Variants in ZNF385D observed in about 807,000 individuals in gnomAD.
The protein encoded by ZNF385D is zinc finger protein 385D.
Under a neutral mutation model 35.8 loss-of-function variants are expected in ZNF385D, and 15 were observed. That is an observed-to-expected ratio of 0.42 (90% confidence interval 0.28 to 0.64). ZNF385D has a LOEUF of 0.64. Ranked by LOEUF, ZNF385D falls within the 30% of genes least tolerant of loss-of-function variation. The probability of loss-of-function intolerance (pLI) is 0.23; values close to 1 mark genes in which losing one functional copy is unlikely to be tolerated. For missense variants in ZNF385D, 474 were observed against 494.6 expected, an observed-to-expected ratio of 0.96 and a Z score of 0.39; for synonymous variants, 212 against 186.8, an observed-to-expected ratio of 1.13 and a Z score of -1.10.
chr3:21,466,541 T>C (rs1703529256), intron 4 of ZNF385D, among the ~76,000 whole-genome samples: 1 of 152,148 alleles, frequency 6.6e-6, no homozygotes, highest in Admixed American at 6.5e-5. Context: ...CATATATCCC[T>C]CTGACCACAC....
intron 3 of ZNF385D, among the ~76,000 whole-genome samples, chr3:21,519,959 C>A (rs1707806989): frequency 6.6e-6 from 1 of 152,158 alleles, no homozygotes; most frequent in Non-Finnish European, 1.5e-5. Context: ...GTTTTATATC[C>A]TGGCATAAAT....
chr3:22,279,560 G>A (rs1364927565), intron 2 of ZNF385D, among the ~76,000 whole-genome samples: 4 of 135,822 alleles, frequency 2.9e-5, no homozygotes, highest in African/African-American at 8.7e-5. Flanking sequence ...ATATACATAT[G>A]TACATATATA....
At chr3:21,579,128 G>A (rs1325138317) in intron 2 of ZNF385D, 1 of 151,466 alleles carries the variant, frequency 6.6e-6, no homozygotes, top group South Asian at 2.1e-4. Flanking sequence ...GAGAAGTCAG[G>A]TTTCTCGATG....
chr3:21,485,681 T>C (rs1201023934), intron 4 of ZNF385D, among the ~76,000 whole-genome samples: 1 of 152,124 alleles, frequency 6.6e-6, no homozygotes, highest in Non-Finnish European at 1.5e-5. Context: ...TTAATAATAA[T>C]GATCATAATA....
intron 3 of ZNF385D, among the ~76,000 whole-genome samples, chr3:22,143,080 TGTGTGTGTGTGTG>T (rs1456204839): frequency 6.6e-6 from 1 of 151,068 alleles, no homozygotes; most frequent in Non-Finnish European, 1.5e-5. Flanking sequence ...TGTGTGTGTG[TGTGTGTGTGTGTG>T]TGTGTGTGTG....
chr3:22,175,886 A>G (rs1694796504), intron 2 of ZNF385D, among the ~76,000 whole-genome samples: 1 of 149,304 alleles, frequency 6.7e-6, no homozygotes, highest in Admixed American at 6.7e-5. Context: ...AATTTATTTT[A>G]CTGTTATGGT....
chr3:22,027,913 C>A (rs1180842158), intron 3 of ZNF385D, among the ~76,000 whole-genome samples: 1 of 152,108 alleles, frequency 6.6e-6, no homozygotes, highest in African/African-American at 2.4e-5. Context: ...CAGGCACTAC[C>A]AAAAGTGGAG....
chr3:21,589,465 T>A lies in ZNF385D; in HGVS notation c.166-24781A>T, dbSNP rs2063906719. ...ATAGACTTAAATGCGAAAAGCAAAA[T>A]TTTTACCTTATAAGAGTGAAGAAAA... On this transcript the variant is annotated intron_variant, in intron 2 of 7. Transcript: ENST00000281523. Among the ~76,000 whole-genome samples, 4 of 152,146 alleles carry A rather than the reference T, an allele frequency of 2.6e-5. 1 individual carries two copies. In the South Asian group the frequency reaches 8.3e-4, roughly 32 times the overall value.
At chr3:21,582,449 C>A (rs947366929) in intron 2 of ZNF385D, among the ~76,000 whole-genome samples, 1 of 152,120 alleles carries the variant, frequency 6.6e-6, no homozygotes, top group Non-Finnish European at 1.5e-5. Flanking sequence ...AGCACTAGTT[C>A]TCTCTTCTGC....
At chr3:22,200,377 C>T (rs1020258039) in intron 2 of ZNF385D, among the ~76,000 whole-genome samples, 2 of 151,826 alleles carry the variant, frequency 1.3e-5, no homozygotes, top group Admixed American at 6.6e-5. Context: ...TCCATGATGC[C>T]CCACAAGCCG....
chr3:21,781,605 A>G (rs1364510450), intron 3 of ZNF385D, among the ~76,000 whole-genome samples: 1 of 152,080 alleles, frequency 6.6e-6, no homozygotes, highest in African/African-American at 2.4e-5. Context: ...GTTGACTCTA[A>G]TAATACCTCA....
intron 2 of ZNF385D, among the ~76,000 whole-genome samples, chr3:22,223,458 A>T (rs1321772045): frequency 6.6e-6 from 1 of 152,002 alleles, no homozygotes; most frequent in Non-Finnish European, 1.5e-5. Context: ...GGGATTGAAC[A>T]CTATTTTTTC....
intron 3 of ZNF385D, among the ~76,000 whole-genome samples, chr3:22,092,526 C>A (rs1354370233): frequency 2.6e-5 from 4 of 152,174 alleles, no homozygotes; most frequent in Admixed American, 2.6e-4. Context: ...TCAGCAAACC[C>A]TGCCATGCAG....
chr3:21,748,892 T>C (rs1017298202), intron 1 of ZNF385D, among the ~76,000 whole-genome samples: 4 of 152,190 alleles, frequency 2.6e-5, no homozygotes, highest in African/African-American at 7.2e-5. Context: ...AGTGTACTGC[T>C]CAATTCTTTT....
chr3:22,303,334 C>T (rs992413917), intron 2 of ZNF385D, among the ~76,000 whole-genome samples: 10 of 152,126 alleles, frequency 6.6e-5, no homozygotes, highest in African/African-American at 2.4e-4. Flanking sequence ...CCTGCCACTA[C>T]TCTTCTCATA....
chr3:21,845,306 C>A lies in ZNF385D; in HGVS notation c.326-180278G>T, dbSNP rs1262613094. ...AAACTGCATAAATGTGACTTTTGGT[C>A]TAATGGAATATAATAGCAATGATAA... On this transcript the variant is annotated intron_variant, in intron 3 of 5. Transcript: ENST00000494108. 1.3e-5 allele frequency among the ~76,000 whole-genome samples: 2 copies of A among 151,862 alleles called. 1 individual carries two copies. Among genetic ancestry groups the A allele is most frequent in the Non-Finnish European group, 2.9e-5 (2 of 67,934 alleles).
In ZNF385D at chr3:21,636,405, T is replaced by TAC. The variant is rs1259747425; in HGVS notation, c.165+28480_165+28481insGT. 8.8e-5 allele frequency among the ~76,000 whole-genome samples: 4 copies of TAC among 45,486 alleles called. No individual in the cohort carries two copies. In the East Asian group the frequency reaches 1.2e-3, roughly 13 times the overall value. 29.8% of individuals were successfully genotyped at this position (45,486 alleles called of 152,430 possible). On this transcript the variant is annotated intron_variant, in intron 2 of 7. Coordinates refer to ENST00000281523, the MANE Select transcript of ZNF385D (RefSeq NM_024697.3). Reference sequence around the variant, plus strand: ...ATATATATATATATATATATATATATATATATATAGAGTTTCTTAAGGAGT... The same window carrying TAC: ...ATATATATATATATATATATATATATACATATATATAGAGTTTCTTAAGGAGT...
intron 2 of ZNF385D, among the ~76,000 whole-genome samples, chr3:22,225,027 TAAA>T (rs1264134781): frequency 6.6e-6 from 1 of 152,194 alleles, no homozygotes; most frequent in African/African-American, 2.4e-5. Flanking sequence ...GAAATTCTGA[TAAA>T]TCTCTAATTA....
At chr3:21,945,415 G>A (rs1048081335) in intron 3 of ZNF385D, among the ~76,000 whole-genome samples, 3 of 152,082 alleles carry the variant, frequency 2.0e-5, no homozygotes, top group African/African-American at 7.2e-5. Context: ...CTTCATAGAA[G>A]AGCAAACATT....
Sources: gnomAD v4.1 joint callset for allele counts (sites outside exome capture counted in the v4.1 genomes callset) on GRCh38, gnomAD v4.1.1 for gene constraint, MANE v1.5 for transcripts, NCBI Gene and HGNC (gene_info 2026-07-23, HGNC 2026-07-21) for gene names.